GSE1: variants seen among roughly 807,000 people sequenced by gnomAD.
GSE1 encodes genetic suppressor element 1.
Under a neutral mutation model 112.6 loss-of-function variants are expected in GSE1, and 32 were observed. The observed-to-expected ratio is 0.28, with a 90% CI of 0.21 to 0.38. The LOEUF (loss-of-function observed/expected upper bound fraction) is 0.38, where lower values mean the gene tolerates loss of function less well. GSE1 is among the 10% of genes least tolerant of loss of function. The probability of loss-of-function intolerance (pLI) is 1.00; values close to 1 mark genes in which losing one functional copy is unlikely to be tolerated. For synonymous variants in GSE1, 1,115 were observed against 735.6 expected, an observed-to-expected ratio of 1.52 and a Z score of -8.35; for missense variants, 2,348 against 1,699.2, an observed-to-expected ratio of 1.38 and a Z score of -6.71.
At chr16:85,556,884 T>A (rs2151267291) in intron 1 of GSE1, among the ~76,000 whole-genome samples, 1 of 151,824 alleles carries the variant, frequency 6.6e-6, no homozygotes, top group South Asian at 2.1e-4. Flanking sequence ...GAAGGTTTTG[T>A]TCCGCCGAGG....
chr16:85,342,837 C>G (rs375531768), intron 1 of GSE1, among the ~76,000 whole-genome samples: 5 of 151,658 alleles, frequency 3.3e-5, no homozygotes, highest in African/African-American at 1.2e-4. Context: ...GGCATCCCTG[C>G]TGGTTCCCCC....
At chr16:85,349,610 C>T (rs2046812475) in intron 1 of GSE1, among the ~76,000 whole-genome samples, 1 of 152,094 alleles carries the variant, frequency 6.6e-6, no homozygotes, top group Non-Finnish European at 1.5e-5. Context: ...AGCCAATGCA[C>T]ACACCCTGCC....
chr16:85,605,038 C>T (rs990142107), intron 1 of GSE1, among the ~76,000 whole-genome samples: 3 of 149,550 alleles, frequency 2.0e-5, no homozygotes, highest in Non-Finnish European at 3.0e-5. Flanking sequence ...AGGATGGTCT[C>T]GATCTCCTGA....
At chr16:85,595,636 A>T (rs1188396711) in intron 1 of GSE1, 1 of 151,922 alleles carries the variant, frequency 6.6e-6, no homozygotes, top group Admixed American at 6.6e-5. Context: ...TCCATCCATC[A>T]TCTACCCATC....
At chr16:85,227,534 G>T (rs747805135) in intron 1 of GSE1, among the ~76,000 whole-genome samples, 7 of 152,238 alleles carry the variant, frequency 4.6e-5, no homozygotes, top group Admixed American at 3.3e-4. Context: ...GGCCCAGGAG[G>T]CATGAGAGTG....
At chr16:85,433,971 T>C (rs1002616931) in intron 2 of GSE1, among the ~76,000 whole-genome samples, 3 of 151,924 alleles carry the variant, frequency 2.0e-5, no homozygotes, top group Non-Finnish European at 4.4e-5. Flanking sequence ...ATATCCCTAG[T>C]GGAAAGGGGG....
At chr16:85,484,420 C>T (rs1402139764) in intron 2 of GSE1, among the ~76,000 whole-genome samples, 1 of 152,278 alleles carries the variant, frequency 6.6e-6, no homozygotes, top group African/African-American at 2.4e-5. Context: ...CCCTCCAAAA[C>T]CCAGACCAGA....
At chr16:85,498,914 C>T (rs537612582) in intron 2 of GSE1, among the ~76,000 whole-genome samples, 4 of 152,354 alleles carry the variant, frequency 2.6e-5, no homozygotes, top group South Asian at 2.1e-4. Context: ...GCTGACAGGC[C>T]GTGAGCGGCA....
chr16:85,246,380 T>TAC (rs1426503377), intron 1 of GSE1, among the ~76,000 whole-genome samples: 4 of 55,754 alleles, frequency 7.2e-5, no homozygotes, highest in Non-Finnish European at 1.0e-4. Flanking sequence ...ACACGCTGTC[T>TAC]ACACACACAC....
intron 2 of GSE1, among the ~76,000 whole-genome samples, chr16:85,643,255 C>A (rs969430891): frequency 6.6e-6 from 1 of 152,198 alleles, no homozygotes. Context: ...GGCTGAATAC[C>A]GCCAGTTAAT....
chr16:85,651,708 G>C (rs1157186453), intron 3 of GSE1, among the ~76,000 whole-genome samples: 1 of 152,216 alleles, frequency 6.6e-6, no homozygotes, highest in Non-Finnish European at 1.5e-5. Context: ...GCCACCCAAG[G>C]CTGGGTGATG....
chr16:85,586,343 G>A lies in GSE1; in HGVS notation c.37+29980G>A, dbSNP rs550006470. On this transcript the variant is annotated intron_variant, in intron 1 of 2. Coordinates refer to the GSE1 transcript ENST00000635906. ...GACATAGGTGTTGCCTCGGACGGCG[G>A]AGCCCTGGCCTGGATGCCTTTGTCC... 1.4e-3 allele frequency among the ~76,000 whole-genome samples: 211 copies of A among 152,358 alleles called. 3 individuals are homozygous for A. The highest frequency in any genetic ancestry group is 0.013 in the Admixed American group (196 of 15,302).
At chr16:85,576,777 G>A (rs115867358) in intron 1 of GSE1, among the ~76,000 whole-genome samples, 6,471 of 152,276 alleles carry the variant, frequency 0.042, 348 homozygotes, top group Admixed American at 0.13. Flanking sequence ...CTTGCTTGGG[G>A]ACTGATGCCC....
chr16:85,439,339 C>T (rs1175117014), intron 2 of GSE1, among the ~76,000 whole-genome samples: 6 of 152,214 alleles, frequency 3.9e-5, no homozygotes, highest in South Asian at 2.1e-4. Flanking sequence ...CGGCCTCGGG[C>T]GCTGGCCTCC....
chr16:85,403,749 C>T (rs945490571), intron 2 of GSE1, among the ~76,000 whole-genome samples: 3 of 152,176 alleles, frequency 2.0e-5, no homozygotes, highest in Non-Finnish European at 4.4e-5. Flanking sequence ...CTGCAGTGAG[C>T]TGTGATCCTG....
At chr16:85,383,847 C>A (rs185489837) in intron 2 of GSE1, among the ~76,000 whole-genome samples, 1 of 152,310 alleles carries the variant, frequency 6.6e-6, no homozygotes, top group Non-Finnish European at 1.5e-5. Flanking sequence ...CTCTTTCCTA[C>A]AGAGCTTGGG....
In GSE1 at chr16:85,673,293, A is replaced by G. The variant is rs1598741889; in HGVS notation, c.*754A>G. The G allele has an allele frequency of 1.3e-5, 2 of 152,600 alleles. No homozygotes were observed. The highest frequency in any genetic ancestry group is 2.9e-5 in the Non-Finnish European group (2 of 68,040). The allele number at this position is 152,600 out of a possible 1,614,324, so 9.5% of individuals were successfully genotyped here. On this transcript the variant is annotated 3_prime_UTR_variant, in exon 16 of 16. Transcript: ENST00000253458. ...TTTTCATACAGACGTAAATTTTGAG[A>G]GAAAAGTCAAAGGTGCTTCAGCCTT...
intron 1 of GSE1, among the ~76,000 whole-genome samples, chr16:85,254,879 C>T (rs1906896032): frequency 6.6e-6 from 1 of 152,228 alleles, no homozygotes; most frequent in Admixed American, 6.5e-5. Flanking sequence ...AGATGTGTGC[C>T]CAGGTCCCAG....
exon 1 of GSE1, chr16:85,169,596 C>T: frequency 9.2e-6 from 9 of 982,038 alleles, no homozygotes; most frequent in Non-Finnish European, 1.1e-5. Context: ...GGGCTGCGGG[C>T]GGCGCGCCGC....
Sources: gnomAD v4.1 joint callset for allele counts (sites outside exome capture counted in the v4.1 genomes callset) on GRCh38, gnomAD v4.1.1 for gene constraint, MANE v1.5 for transcripts, NCBI Gene and HGNC (gene_info 2026-07-23, HGNC 2026-07-21) for gene names.